Variants in TPRG1 observed in about 807,000 individuals in gnomAD.
TPRG1 encodes the protein tumor protein p63 regulated 1.
Under a neutral mutation model 29.3 loss-of-function variants are expected in TPRG1, and 29 were observed. The ratio of observed to expected loss-of-function variants is 0.99; its 90% CI spans 0.74 to 1.35. TPRG1 has a LOEUF of 1.35. TPRG1 is among the 40% of genes most tolerant of loss of function. The pLI, the probability that TPRG1 is intolerant of heterozygous loss-of-function variation, is 0.00. For synonymous variants in TPRG1, 130 were observed against 116.8 expected (o/e 1.11, Z -0.73); for missense variants, 327 against 335.0 (o/e 0.98, Z 0.19).
intron 4 of TPRG1, among the ~76,000 whole-genome samples, chr3:189,037,524 A>G (rs1008491360): frequency 6.6e-6 from 1 of 151,964 alleles, no homozygotes; most frequent in Non-Finnish European, 1.5e-5. Flanking sequence ...AACTTTCAGT[A>G]AGTATTTTTT....
intron 4 of TPRG1, among the ~76,000 whole-genome samples, chr3:189,265,663 G>C (rs1009267): frequency 0.21 from 31,741 of 152,086 alleles, 4,413 homozygotes; most frequent in African/African-American, 0.4. Context: ...AAATGGGACT[G>C]CTTAAAAGAC....
intron 4 of TPRG1, among the ~76,000 whole-genome samples, chr3:189,269,085 C>A (rs559282823): frequency 3.4e-4 from 52 of 151,912 alleles, no homozygotes; most frequent in African/African-American, 1.2e-3. Flanking sequence ...GAGTTAACAT[C>A]CTGAGGTTTT....
chr3:189,028,094 A>T (rs984824380), intron 4 of TPRG1, among the ~76,000 whole-genome samples: 2 of 152,172 alleles, frequency 1.3e-5, no homozygotes, highest in African/African-American at 4.8e-5. Context: ...ATGTGCTGGG[A>T]TTTCTCAGGA....
chr3:189,195,346 C>G (rs904381034), intron 1 of TPRG1, among the ~76,000 whole-genome samples: 9 of 152,178 alleles, frequency 5.9e-5, no homozygotes, highest in Non-Finnish European at 1.2e-4. Flanking sequence ...TGCTTCAGCT[C>G]TAGCTGAAAA....
At chr3:189,262,270 G>T (rs1236487055) in intron 4 of TPRG1, among the ~76,000 whole-genome samples, 1 of 152,052 alleles carries the variant, frequency 6.6e-6, no homozygotes, top group African/African-American at 2.4e-5. Flanking sequence ...CTTGGTAGAA[G>T]TATATGAAGT....
chr3:189,080,293 A>T (rs1363607944), intron 4 of TPRG1, among the ~76,000 whole-genome samples: 2 of 152,178 alleles, frequency 1.3e-5, no homozygotes, highest in East Asian at 3.9e-4. Context: ...AACCCAGAGA[A>T]CAAAGACCAC....
intron 3 of TPRG1, among the ~76,000 whole-genome samples, chr3:189,147,104 C>T (rs752767413): frequency 6.6e-6 from 1 of 152,168 alleles, no homozygotes. Context: ...GGGATTTGAA[C>T]CCCGGTCTGT....
intron 3 of TPRG1, among the ~76,000 whole-genome samples, chr3:189,012,006 T>G (rs1712627641): frequency 6.6e-6 from 1 of 152,242 alleles, no homozygotes; most frequent in Admixed American, 6.5e-5. Context: ...TTGTTGAAGT[T>G]GTTTATCAGT....
At chr3:189,275,436 A>G (rs1715966988) in intron 4 of TPRG1, among the ~76,000 whole-genome samples, 1 of 152,218 alleles carries the variant, frequency 6.6e-6, no homozygotes, top group South Asian at 2.1e-4. Flanking sequence ...GAATTCATAC[A>G]GTTGTGACTG....
At chr3:189,177,454 T>TTA (rs201156284) in intron 1 of TPRG1, among the ~76,000 whole-genome samples, 3 of 151,194 alleles carry the variant, frequency 2.0e-5, no homozygotes, top group African/African-American at 7.3e-5. Flanking sequence ...ATATGTCTGT[T>TTA]TATATATGCA....
intron 2 of TPRG1, among the ~76,000 whole-genome samples, chr3:189,213,545 G>A (rs1344299719): frequency 6.6e-6 from 1 of 152,132 alleles, no homozygotes; most frequent in Non-Finnish European, 1.5e-5. Context: ...GAACTCCAGA[G>A]GCTACCAATT....
At chr3:189,274,776 T>A (rs1715817616) in intron 4 of TPRG1, among the ~76,000 whole-genome samples, 2 of 152,144 alleles carry the variant, frequency 1.3e-5, no homozygotes, top group Non-Finnish European at 2.9e-5. Context: ...TTAAAAACAT[T>A]TGAAGATAAT....
intron 1 of TPRG1, among the ~76,000 whole-genome samples, chr3:189,114,319 GTCAC>G (rs1720920519): frequency 6.6e-6 from 1 of 152,022 alleles, no homozygotes; most frequent in Non-Finnish European, 1.5e-5. Flanking sequence ...TCTCCCTCTT[GTCAC>G]CCAAGCTGGA....
chr3:189,295,008 G>A (rs1034039520), intron 4 of TPRG1, among the ~76,000 whole-genome samples: 1 of 152,134 alleles, frequency 6.6e-6, no homozygotes, highest in South Asian at 2.1e-4. Flanking sequence ...CCTCACCTAC[G>A]GTGAGAAGTA....
intron 4 of TPRG1, among the ~76,000 whole-genome samples, chr3:189,286,923 C>A (rs1231184002): frequency 2.0e-5 from 3 of 152,060 alleles, no homozygotes; most frequent in Non-Finnish European, 2.9e-5. Flanking sequence ...TCCTCTTTTT[C>A]ACTTGGGTCA....
Position 189,322,196 on chromosome 3 carries a change from C to A in TPRG1, c.*1376C>A, listed in dbSNP as rs569338203. The A allele has an allele frequency of 3.5e-4, 54 of 152,144 alleles. No individual in the cohort carries two copies. The highest frequency in any genetic ancestry group is 5.6e-4 in the Non-Finnish European group (38 of 67,960). 9.4% of individuals were successfully genotyped at this position (152,144 alleles called of 1,614,324 possible). On this transcript the variant is annotated 3_prime_UTR_variant, in exon 6 of 6. Transcript: ENST00000345063. ...CTTTGTTGATGTTTAAGTTGAAATT[C>A]CAGCCAACTTTTTTTTGACTTTTAT...
At chr3:189,034,210 T>C (rs1714117313) in intron 4 of TPRG1, among the ~76,000 whole-genome samples, 1 of 152,198 alleles carries the variant, frequency 6.6e-6, no homozygotes, top group Admixed American at 6.5e-5. Flanking sequence ...GTAGAAGTAA[T>C]TTCTAACAAA....
intron 4 of TPRG1, among the ~76,000 whole-genome samples, chr3:189,272,452 A>T (rs1266184140): frequency 6.6e-6 from 1 of 151,048 alleles, no homozygotes; most frequent in Non-Finnish European, 1.5e-5. Flanking sequence ...ATTTGTGTGT[A>T]TTTTTTTTTC....
intron 4 of TPRG1, among the ~76,000 whole-genome samples, chr3:189,061,289 A>G (rs1233952757): frequency 4.6e-5 from 7 of 152,206 alleles, no homozygotes; most frequent in Non-Finnish European, 8.8e-5. Context: ...ACAAAAATTA[A>G]CTCAAGATGG....
Sources: gnomAD v4.1 joint callset for allele counts (sites outside exome capture counted in the v4.1 genomes callset) on GRCh38, gnomAD v4.1.1 for gene constraint, MANE v1.5 for transcripts, NCBI Gene and HGNC (gene_info 2026-07-23, HGNC 2026-07-21) for gene names.